Variants in PUDP observed in about 807,000 individuals in gnomAD.
PUDP encodes the protein pseudouridine 5'-phosphatase.
A neutral mutation model predicts 9.4 loss-of-function variants in PUDP; 8 were observed. That is an observed-to-expected ratio of 0.85 (90% confidence interval 0.50 to 1.53). The LOEUF (loss-of-function observed/expected upper bound fraction) is 1.53, where lower values mean the gene tolerates loss of function less well. Ranked by LOEUF, PUDP falls within the 40% of genes most tolerant of loss-of-function variation. The pLI is 0.00. For synonymous variants in PUDP, 99 were observed against 80.7 expected (o/e 1.23, Z -1.22); for missense variants, 188 against 189.7 (o/e 0.99, Z 0.05).
At chrX:6,923,440 T>C (rs186058991) in intron 3 of PUDP, among the ~76,000 whole-genome samples, 1 of 112,214 alleles carries the variant, frequency 8.9e-6, no homozygotes, top group Non-Finnish European at 1.9e-5. Flanking sequence ...ACCAAGGTCT[T>C]CGTCTCATTC....
intron 1 of PUDP, among the ~76,000 whole-genome samples, chrX:6,990,146 C>T (rs1280039395): frequency 9.0e-6 from 1 of 111,448 alleles, no homozygotes; most frequent in Non-Finnish European, 1.9e-5. Context: ...CACACACACA[C>T]ACACAAAGGC....
chrX:7,120,419 A>AC (rs1440960756), intron 1 of PUDP, among the ~76,000 whole-genome samples: 40 of 110,626 alleles, frequency 3.6e-4, no homozygotes, highest in African/African-American at 1.3e-3. Flanking sequence ...AACAGCCAAT[A>AC]CCCCACAGCC....
At chrX:6,905,690 C>A (rs1962223967) in intron 3 of PUDP, among the ~76,000 whole-genome samples, 2 of 111,387 alleles carry the variant, frequency 1.8e-5, no homozygotes, top group African/African-American at 6.5e-5. Flanking sequence ...TGGGTGGGGA[C>A]ACAGCCAAAT....
At chrX:6,871,811 C>T (rs143856379) in intron 3 of PUDP, among the ~76,000 whole-genome samples, 2,275 of 111,571 alleles carry the variant, frequency 0.02, 61 homozygotes, top group African/African-American at 0.071. Flanking sequence ...TTTTGTCACC[C>T]TCATGTTAAA....
intron 3 of PUDP, among the ~76,000 whole-genome samples, chrX:6,920,313 A>G (rs954961354): frequency 9.0e-6 from 1 of 111,003 alleles, no homozygotes; most frequent in Non-Finnish European, 1.9e-5. Flanking sequence ...CCCATTGTAC[A>G]CTGCATTTTC....
At chrX:7,041,861 CTCTCTCTTT>C (rs1163516216) in intron 1 of PUDP, among the ~76,000 whole-genome samples, 1 of 50,724 alleles carries the variant, frequency 2.0e-5, no homozygotes, top group Non-Finnish European at 3.1e-5. Flanking sequence ...CAGTCTCTCT[CTCTCTCTTT>C]TTTTTTTTTT....
chrX:6,926,279 C>T (rs777108465), intron 3 of PUDP, among the ~76,000 whole-genome samples: 2 of 112,096 alleles, frequency 1.8e-5, no homozygotes, highest in African/African-American at 3.2e-5. Flanking sequence ...GAAGCCCTCA[C>T]GAATTCCGCA....
intron 3 of PUDP, among the ~76,000 whole-genome samples, chrX:6,833,803 C>T (rs191172102): frequency 3.6e-5 from 4 of 112,174 alleles, no homozygotes; most frequent in Non-Finnish European, 5.6e-5. Flanking sequence ...AACATATATT[C>T]AGTCTACTTC....
chrX:6,883,589 G>T (rs1927380761), intron 3 of PUDP, among the ~76,000 whole-genome samples: 2 of 108,440 alleles, frequency 1.8e-5, no homozygotes, highest in Admixed American at 9.9e-5. Context: ...TCGTCTCATT[G>T]ATCCTATTAC....
chrX:7,045,380 G>A (rs1312721387), downstream of PUDP, among the ~76,000 whole-genome samples: 1 of 111,990 alleles, frequency 8.9e-6, no homozygotes, highest in East Asian at 2.8e-4. Context: ...TGGGTTTCCT[G>A]GATTTCTGCC....
At chrX:6,753,825 G>GT (rs1235399767) in intron 3 of PUDP, among the ~76,000 whole-genome samples, 1 of 110,971 alleles carries the variant, frequency 9.0e-6, no homozygotes, top group Non-Finnish European at 1.9e-5. Flanking sequence ...GGAATTGTTC[G>GT]TTTTTTTCCT....
intron 1 of PUDP, among the ~76,000 whole-genome samples, chrX:7,006,577 T>G (rs1428460118): frequency 9.0e-6 from 1 of 111,282 alleles, no homozygotes; most frequent in East Asian, 2.8e-4. Context: ...GAAGGCAATC[T>G]TTGAATACCA....
chrX:6,857,035 C>T (rs1926916942), intron 3 of PUDP, among the ~76,000 whole-genome samples: 1 of 112,437 alleles, frequency 8.9e-6, no homozygotes, highest in East Asian at 2.8e-4. Flanking sequence ...TACAGATATA[C>T]TAAACGAAAG....
At chrX:6,998,693 G>C (rs1304982125) in intron 1 of PUDP, among the ~76,000 whole-genome samples, 1 of 112,077 alleles carries the variant, frequency 8.9e-6, no homozygotes, top group Non-Finnish European at 1.9e-5. Context: ...AAGTATCTTT[G>C]ATATTTATGC....
intron 3 of PUDP, among the ~76,000 whole-genome samples, chrX:6,974,526 T>C (rs1423494012): frequency 8.9e-6 from 1 of 112,292 alleles, no homozygotes; most frequent in Non-Finnish European, 1.9e-5. Flanking sequence ...TTTAAGAATG[T>C]TGAATATTGG....
chrX:7,118,506 T>C (rs1932256792), intron 1 of PUDP, among the ~76,000 whole-genome samples: 1 of 112,357 alleles, frequency 8.9e-6, no homozygotes, highest in Non-Finnish European at 1.9e-5. Context: ...TTAAGTACTG[T>C]ACTGCACCCG....
At chrX:6,957,923 G>A (rs1295069680) in intron 3 of PUDP, among the ~76,000 whole-genome samples, 2 of 111,877 alleles carry the variant, frequency 1.8e-5, no homozygotes. Context: ...GACCAAGGTG[G>A]GTGGTCAGGA....
intron 1 of PUDP, among the ~76,000 whole-genome samples, chrX:6,716,161 T>A (rs1332672620): frequency 9.0e-6 from 1 of 111,098 alleles, no homozygotes; most frequent in African/African-American, 3.3e-5. Context: ...TACATAGCTG[T>A]CTTCCCCATT....
At chrX:6,751,268 T>C (rs1300298381) in intron 3 of PUDP, among the ~76,000 whole-genome samples, 1 of 112,143 alleles carries the variant, frequency 8.9e-6, no homozygotes, top group Non-Finnish European at 1.9e-5. Context: ...CTACGTTCTT[T>C]ATATGTTGAA....
Sources: allele counts gnomAD v4.1 joint callset (sites outside exome capture counted in the v4.1 genomes callset), GRCh38; gene constraint gnomAD v4.1.1; transcripts MANE v1.5; gene names NCBI Gene and HGNC (gene_info 2026-07-23, HGNC 2026-07-21).